Variants in ASB3 observed in about 807,000 individuals in gnomAD.
ASB3 encodes ankyrin repeat and SOCS box protein 3.
In ASB3, 41 loss-of-function variants were observed where a neutral mutation model predicts 54.5. That is an observed-to-expected ratio of 0.75 (90% CI 0.59 to 0.98). The LOEUF (loss-of-function observed/expected upper bound fraction) is 0.98. Ranked by LOEUF, ASB3 falls within the 50% of genes least tolerant of loss-of-function variation. The probability of loss-of-function intolerance (pLI) is 0.00; values close to 1 mark genes in which losing one functional copy is unlikely to be tolerated. For missense variants in ASB3, 733 were observed against 620.0 expected (o/e 1.18, Z -1.94); for synonymous variants, 266 against 221.2 (o/e 1.20, Z -1.80).
intron 9 of ASB3, among the ~76,000 whole-genome samples, chr2:53,676,454 G>T (rs1233800872): frequency 6.6e-6 from 1 of 152,174 alleles, no homozygotes; most frequent in Non-Finnish European, 1.5e-5. Flanking sequence ...GGCATACACT[G>T]CGTAAGGATA....
At chr2:53,746,053 A>G (rs1173259615) in intron 3 of ASB3, among the ~76,000 whole-genome samples, 2 of 152,178 alleles carry the variant, frequency 1.3e-5, no homozygotes, top group Non-Finnish European at 2.9e-5. Flanking sequence ...TAATCCTAGC[A>G]CTTTGGGAAA....
At chr2:53,706,586 T>C (rs1487706104) in intron 7 of ASB3, among the ~76,000 whole-genome samples, 1 of 152,074 alleles carries the variant, frequency 6.6e-6, no homozygotes, top group South Asian at 2.1e-4. Context: ...GTTGGGACTA[T>C]AGGCACGTGC....
intron 9 of ASB3, among the ~76,000 whole-genome samples, chr2:53,677,770 A>G (rs1193854743): frequency 1.3e-5 from 2 of 152,188 alleles, no homozygotes; most frequent in Non-Finnish European, 2.9e-5. Flanking sequence ...ATTGAGAAAA[A>G]AAAATCACAG....
chr2:53,706,143 G>A (rs1558528042), intron 7 of ASB3, among the ~76,000 whole-genome samples: 1 of 152,138 alleles, frequency 6.6e-6, no homozygotes. Flanking sequence ...AATGGAATGA[G>A]ATTTAGCAGA....
intron 9 of ASB3, among the ~76,000 whole-genome samples, chr2:53,686,437 T>A (rs1351617914): frequency 6.6e-6 from 1 of 152,206 alleles, no homozygotes; most frequent in Non-Finnish European, 1.5e-5. Flanking sequence ...CCTTTAATTT[T>A]TTCATGTTCA....
At chr2:53,779,143 G>A (rs1674512759) in intron 1 of ASB3, among the ~76,000 whole-genome samples, 1 of 152,112 alleles carries the variant, frequency 6.6e-6, no homozygotes, top group African/African-American at 2.4e-5. Flanking sequence ...TAGTAATGTT[G>A]AACATTTTTT....
intron 2 of ASB3, among the ~76,000 whole-genome samples, chr2:53,752,456 TC>T (rs1672569173): frequency 6.6e-6 from 1 of 152,176 alleles, no homozygotes; most frequent in Admixed American, 6.5e-5. Flanking sequence ...GAGGCCAGGC[TC>T]CTCCCCACTG....
At position 53,765,445 on chromosome 2, in the gene ASB3, C is replaced by A; in HGVS notation, c.128G>T (p.Gly43Val). The A allele has an allele frequency of 1.2e-6, 2 of 1,614,194 alleles. No individual in the cohort carries two copies. Among genetic ancestry groups the A allele is most frequent in the Non-Finnish European group, 1.7e-6 (2 of 1,180,018 alleles). The change falls in exon 2 of 10, where the codon GGA becomes GTA. Residue 43 changes from glycine to valine, a missense_variant. Gly to Val is a moderately radical substitution (Grantham distance 109). Transcript: ENST00000263634. ...AGCTGCTTCATGAATTGGCATCCAT[C>A]CCCTGTTATCAGCAACATCGACACT... ...GRSVDVADNRGWMPIHEAAYH... is the reference protein window; with the variant it reads ...GRSVDVADNRVWMPIHEAAYH...
intron 1 of ASB3, chr2:53,767,652 T>C (rs1673562672): frequency 3.7e-6 from 2 of 544,930 alleles, no homozygotes; most frequent in Non-Finnish European, 6.6e-6. Context: ...ATCCATTGCT[T>C]ACTACACCGA....
intron 2 of ASB3, among the ~76,000 whole-genome samples, chr2:53,761,676 G>C (rs1056994052): frequency 6.6e-6 from 1 of 152,196 alleles, no homozygotes; most frequent in Non-Finnish European, 1.5e-5. Context: ...ATCTTACAGA[G>C]AGCATATGAT....
rs569068770 is a variant in ASB3, at chr2:53,777,545, T to C, written c.-14+9276A>G. Among the ~76,000 whole-genome samples the C allele has an allele frequency of 2.6e-5, 4 of 152,328 alleles. No individual in the cohort carries two copies. In the South Asian group the frequency reaches 8.3e-4, roughly 32 times the overall value. On this transcript the variant is annotated intron_variant, in intron 1 of 9. Coordinates refer to ENST00000263634, the MANE Select transcript of ASB3 (RefSeq NM_016115.5). ...TACTCTCTCAACCTCTTCATATGTC[T>C]GTTACATGAAGGCATCTCCAGTTGT...
chr2:53,736,927 T>C (rs1671669411), intron 3 of ASB3, among the ~76,000 whole-genome samples: 1 of 151,992 alleles, frequency 6.6e-6, no homozygotes, highest in Non-Finnish European at 1.5e-5. Context: ...GAGGTTGCAG[T>C]GAGCCGAGAT....
chr2:53,757,616 G>A (rs1672907648), intron 2 of ASB3, among the ~76,000 whole-genome samples: 1 of 152,162 alleles, frequency 6.6e-6, no homozygotes, highest in African/African-American at 2.4e-5. Context: ...CCTCTCCCAA[G>A]TATTAGAGCA....
chr2:53,696,791 T>C (rs1669204540), intron 8 of ASB3, among the ~76,000 whole-genome samples: 4 of 152,150 alleles, frequency 2.6e-5, no homozygotes, highest in Admixed American at 6.5e-5. Flanking sequence ...TTATAAGGCA[T>C]TAGGTATTAT....
intron 3 of ASB3, among the ~76,000 whole-genome samples, chr2:53,747,610 C>T (rs1488326651): frequency 6.6e-6 from 1 of 152,182 alleles, no homozygotes; most frequent in Non-Finnish European, 1.5e-5. Context: ...TTCTCAGAAT[C>T]CTTCATTCTT....
intron 2 of ASB3, among the ~76,000 whole-genome samples, chr2:53,755,263 A>C (rs570427471): frequency 6.6e-6 from 1 of 152,240 alleles, no homozygotes. Context: ...TAGCAATGAC[A>C]AGAGTTGGCC....
intron 9 of ASB3, among the ~76,000 whole-genome samples, chr2:53,679,057 T>A (rs952979632): frequency 2.0e-5 from 3 of 152,100 alleles, no homozygotes; most frequent in Admixed American, 1.3e-4. Context: ...TCAGGTCCCA[T>A]CCTTTCTCAT....
At chr2:53,689,526 C>G (rs80292844) in intron 9 of ASB3, among the ~76,000 whole-genome samples, 2,096 of 152,292 alleles carry the variant, frequency 0.014, 42 homozygotes, top group African/African-American at 0.046. Flanking sequence ...GAAAGGATTA[C>G]AGACCAATGA....
intron 3 of ASB3, among the ~76,000 whole-genome samples, chr2:53,737,468 T>A (rs1271992880): frequency 2.6e-5 from 4 of 152,128 alleles, no homozygotes; most frequent in Admixed American, 6.5e-5. Context: ...CAAGGGTCCT[T>A]GGTTCAAGCG....
Sources: gnomAD v4.1 joint callset for allele counts (sites outside exome capture counted in the v4.1 genomes callset) on GRCh38, gnomAD v4.1.1 for gene constraint, MANE v1.5 for transcripts, NCBI Gene and HGNC (gene_info 2026-07-23, HGNC 2026-07-21) for gene names.